The following PCDHA12 variants were observed in gnomAD, a reference collection of about 807,000 sequenced individuals.
PCDHA12 encodes protocadherin alpha 12, also known as protocadherin alpha-12.
PCDHA12 carries 44 observed loss-of-function variants against 60.0 expected under a neutral mutation model. The ratio of observed to expected loss-of-function variants is 0.73; its 90% confidence interval spans 0.58 to 0.94. The LOEUF (loss-of-function observed/expected upper bound fraction) is 0.94. Ranked by LOEUF, PCDHA12 falls within the 40% of genes least tolerant of loss-of-function variation. PCDHA12 has a pLI of 0.00. For synonymous variants in PCDHA12, 569 were observed against 553.0 expected (o/e 1.03, Z -0.40); for missense variants, 1,276 against 1,239.7 (o/e 1.03, Z -0.44).
At chr5:140,928,356 C>A in intron 1 of PCDHA12, 1 of 1,614,176 alleles carries the variant, frequency 6.2e-7, no homozygotes, top group South Asian at 1.1e-5. Context: ...TGGATGTTAT[C>A]TCTGAAGGGC....
At chr5:140,884,908 T>C (rs1056953779) in intron 1 of PCDHA12, among the ~76,000 whole-genome samples, 1 of 152,234 alleles carries the variant, frequency 6.6e-6, no homozygotes, top group Admixed American at 6.5e-5. Flanking sequence ...TGTTGTATTC[T>C]TAATAGTTCT....
chr5:140,927,150 G>GT, intron 1 of PCDHA12: 1 of 1,614,134 alleles, frequency 6.2e-7, no homozygotes, highest in Non-Finnish European at 8.5e-7. Context: ...GCGAACAGCT[G>GT]TGCAGGGCCA....
intron 3 of PCDHA12, among the ~76,000 whole-genome samples, chr5:140,987,599 C>T (rs1475170913): frequency 1.3e-5 from 2 of 152,086 alleles, no homozygotes; most frequent in Non-Finnish European, 2.9e-5. Context: ...GTGGTGTCTA[C>T]CTTATAGGGT....
intron 1 of PCDHA12, among the ~76,000 whole-genome samples, chr5:140,906,790 C>A (rs1381392314): frequency 6.6e-6 from 1 of 152,276 alleles, no homozygotes; most frequent in South Asian, 2.1e-4. Flanking sequence ...TTGTGTATTC[C>A]ATGCATACTC....
intron 1 of PCDHA12, among the ~76,000 whole-genome samples, chr5:140,897,323 T>TCCCTCCC (rs2065998893): frequency 1.7e-5 from 2 of 114,654 alleles, no homozygotes; most frequent in South Asian, 6.8e-4. Flanking sequence ...CCTAAAGCTA[T>TCCCTCCC]CCCTCCCCCC....
chr5:140,877,433 A>G lies in PCDHA12; in HGVS notation c.1961A>G (p.His654Arg). The G allele has an allele frequency of 5.0e-6, 8 of 1,613,774 alleles. No homozygotes were observed. The highest frequency in any genetic ancestry group is 6.8e-6 in the Non-Finnish European group (8 of 1,179,844). The change falls in exon 1 of 4, where the codon CAC (histidine) becomes CGC (arginine). Residue 654 changes from histidine (H) to arginine (R), a missense_variant. By Grantham distance (29) the His-to-Arg change is conservative. Transcript: ENST00000398631. Reference sequence around the variant, plus strand: ...CGCCTGCTGGTGCTGGTGAAGGACCACGGTGAGCCCGCGCTGACGTCCACG... The same window carrying G: ...CGCCTGCTGGTGCTGGTGAAGGACCGCGGTGAGCCCGCGCTGACGTCCACG... Reference protein sequence around the residue: ...RHRLLVLVKDHGEPALTSTAT... With the variant: ...RHRLLVLVKDRGEPALTSTAT...
At chr5:140,941,185 CTTTT>C (rs782102770) in intron 1 of PCDHA12, among the ~76,000 whole-genome samples, 59 of 102,236 alleles carry the variant, frequency 5.8e-4, no homozygotes, top group South Asian at 3.1e-3. Context: ...CATCCTGCTT[CTTTT>C]TTTTTCTTTC....
chr5:140,950,247 A>G (rs1483854749), intron 1 of PCDHA12, among the ~76,000 whole-genome samples: 1 of 152,004 alleles, frequency 6.6e-6, no homozygotes, highest in East Asian at 1.9e-4. Flanking sequence ...ATTTGTTCCT[A>G]AAGAGCTGAG....
intron 1 of PCDHA12, among the ~76,000 whole-genome samples, chr5:140,963,059 A>G (rs1307714661): frequency 6.6e-6 from 1 of 152,162 alleles, no homozygotes; most frequent in Non-Finnish European, 1.5e-5. Context: ...GGGTTTCTAC[A>G]TTGTGAAGGA....
intron 1 of PCDHA12, among the ~76,000 whole-genome samples, chr5:140,924,916 T>A (rs551375956): frequency 7.0e-4 from 85 of 122,004 alleles, no homozygotes; most frequent in East Asian, 2.6e-3. Context: ...TAAAATAAAA[T>A]AAAATAAAAT....
At chr5:140,960,131 C>T (rs781965980) in intron 1 of PCDHA12, among the ~76,000 whole-genome samples, 11 of 152,114 alleles carry the variant, frequency 7.2e-5, no homozygotes, top group African/African-American at 9.7e-5. Context: ...TTATGAAATA[C>T]TTAGATATTA....
In PCDHA12 at chr5:140,973,293, A is replaced by G. The variant is rs150966135; in HGVS notation, c.2368-5656A>G. Among the ~76,000 whole-genome samples, 103 of 152,230 alleles carry G rather than the reference A, an allele frequency of 6.8e-4. No homozygotes were observed. The East Asian group carries it at 0.019, about 27-fold the overall frequency. On this transcript the variant is annotated intron_variant, in intron 1 of 3. Transcript: ENST00000398631. ...TATTTCCCCCAGCACTGATTTTTCT[A>G]TCTGATGACTCTATCCTGGAACAGA...
At chr5:140,964,910 A>G (rs1474342229) in intron 1 of PCDHA12, among the ~76,000 whole-genome samples, 2 of 152,206 alleles carry the variant, frequency 1.3e-5, no homozygotes, top group African/African-American at 4.8e-5. Context: ...CTTCTCTGGA[A>G]TAACACTGGC....
chr5:140,966,363 G>A (rs1476634162), intron 1 of PCDHA12: 3 of 402,216 alleles, frequency 7.5e-6, no homozygotes, highest in Admixed American at 4.4e-5. Flanking sequence ...GGGCTGGAGA[G>A]GCTGAGCAGT....
chr5:140,975,216 G>C (rs1349439819), intron 1 of PCDHA12, among the ~76,000 whole-genome samples: 1 of 152,198 alleles, frequency 6.6e-6, no homozygotes, highest in Admixed American at 6.5e-5. Flanking sequence ...TGGCACTGGA[G>C]AATCTTCCCT....
At chr5:140,946,875 G>C (rs1283632599) in intron 1 of PCDHA12, among the ~76,000 whole-genome samples, 2 of 151,288 alleles carry the variant, frequency 1.3e-5, no homozygotes, top group Non-Finnish European at 3.0e-5. Context: ...TGGTCAATGG[G>C]TACGAAGTTA....
chr5:140,964,585 T>C (rs1275209289), intron 1 of PCDHA12, among the ~76,000 whole-genome samples: 1 of 151,992 alleles, frequency 6.6e-6, no homozygotes, highest in Non-Finnish European at 1.5e-5. Flanking sequence ...GGAGGAAAGA[T>C]CACTTTTCAT....
intron 1 of PCDHA12, among the ~76,000 whole-genome samples, chr5:140,946,628 A>ATATATATATATATATATATATATATATC (rs2093986423): frequency 7.4e-6 from 1 of 134,528 alleles, no homozygotes; most frequent in Non-Finnish European, 1.6e-5. Context: ...ATATATATAT[A>ATATATATATATATATATATATATATATC]TATACAATGG....
Position 141,009,784 on chromosome 5 carries a change from G to T in PCDHA12, c.2673G>T (p.Arg891=). The T allele has an allele frequency of 6.2e-7, 1 of 1,614,054 alleles. No individual in the cohort carries two copies. The highest frequency in any genetic ancestry group is 8.5e-7 in the Non-Finnish European group (1 of 1,180,018). ...GATCTCCTGCAATCATCTCCATCCG[G>T]CAGGAGCCTACTAACAGCCAAATTG... ...IPGSPAIISI[R]QEPTNSQIDK... The change falls in exon 4 of 4, where the codon CGG becomes CGT. Residue 891 remains arginine (R), a synonymous_variant. Coordinates refer to ENST00000398631, the MANE Select transcript of PCDHA12 (RefSeq NM_018903.4).
Sources: gnomAD v4.1 joint callset for allele counts (sites outside exome capture counted in the v4.1 genomes callset) on GRCh38, gnomAD v4.1.1 for gene constraint, MANE v1.5 for transcripts, NCBI Gene and HGNC (gene_info 2026-07-23, HGNC 2026-07-21) for gene names.